Variants in CELSR1 observed in about 807,000 individuals in gnomAD.
The protein encoded by CELSR1 is adhesion G protein-coupled receptor C1.
CELSR1 carries 110 observed loss-of-function variants against 249.1 expected under a neutral mutation model. The observed-to-expected ratio is 0.44, with a 90% CI of 0.38 to 0.52. The LOEUF (loss-of-function observed/expected upper bound fraction) is 0.52. Ranked by LOEUF, CELSR1 falls within the 20% of genes least tolerant of loss-of-function variation. The pLI, the probability that CELSR1 is intolerant of heterozygous loss-of-function variation, is 0.00. For synonymous variants in CELSR1, 2,113 were observed against 1,900.0 expected, an observed-to-expected ratio of 1.11 and a Z score of -2.92; for missense variants, 4,109 against 4,296.4, an observed-to-expected ratio of 0.96 and a Z score of 1.22.
chr22:46,485,469 G>A (rs1223610512), intron 1 of CELSR1, among the ~76,000 whole-genome samples: 2 of 152,222 alleles, frequency 1.3e-5, no homozygotes, highest in African/African-American at 2.4e-5. Context: ...GTTTGGACGG[G>A]AGGAGGCCCA....
chr22:46,519,302 C>T (rs1353570890), intron 1 of CELSR1, among the ~76,000 whole-genome samples: 1 of 152,216 alleles, frequency 6.6e-6, no homozygotes, highest in Admixed American at 6.5e-5. Flanking sequence ...ATTCCACCTC[C>T]GTAGAAACAA....
At position 46,369,963 on chromosome 22, in the gene CELSR1, GCA is replaced by G. The variant is rs774715976; in HGVS notation, c.7760-161_7760-160del. 2.3e-5 allele frequency: 16 copies of G among 689,986 alleles called. No individual in the cohort carries two copies. The South Asian group carries it at 2.4e-4, about 10-fold the overall frequency. The allele number at this position is 689,986 out of a possible 1,614,324, so 42.7% of individuals were successfully genotyped here. A position where few individuals can be genotyped will look rare whatever the true frequency, so the allele number is the denominator to read the frequency against. ...GGGAGCCAGCCCAGGGCCCCTCCAA[GCA>G]CAGTCTCTCCGTGTAGGGTCTCAGG... On this transcript the variant is annotated intron_variant, in intron 25 of 34. Coordinates refer to ENST00000674500, the MANE Select transcript of CELSR1 (RefSeq NM_001378328.1).
At chr22:46,419,357 C>T (rs2079439101) in intron 5 of CELSR1, among the ~76,000 whole-genome samples, 2 of 152,198 alleles carry the variant, frequency 1.3e-5, no homozygotes, top group Non-Finnish European at 2.9e-5. Flanking sequence ...CTTGGTACAA[C>T]CTGAGGGACC....
Position 46,518,188 on chromosome 22 carries a change from G to C in CELSR1, c.3544+15439C>G, listed in dbSNP as rs550931680. Among the ~76,000 whole-genome samples, 2 of 152,292 alleles carry C rather than the reference G, an allele frequency of 1.3e-5. No homozygotes were observed. The highest frequency in any genetic ancestry group is 4.8e-5 in the African/African-American group (2 of 41,546). ...ACCTCCCAAAGTGCTGTGATTGCAG[G>C]CGTGAGCCACCACGCCTGGCCTCGG... is the stretch of plus-strand genomic sequence containing the variant. On this transcript the variant is annotated intron_variant, in intron 1 of 34. Coordinates refer to ENST00000674500, the MANE Select transcript of CELSR1 (RefSeq NM_001378328.1). The surrounding 1 kb of genome is among the most constrained non-coding windows in gnomAD (Gnocchi z 5.2).
intron 18 of CELSR1, among the ~76,000 whole-genome samples, chr22:46,388,728 C>T (rs2079057151): frequency 6.6e-6 from 1 of 152,154 alleles, no homozygotes; most frequent in Admixed American, 6.5e-5. Flanking sequence ...GCGTGAGTCC[C>T]CTCTGCATTC....
At chr22:46,435,261 CAAAA>C (rs1214889556) in intron 4 of CELSR1, among the ~76,000 whole-genome samples, 1 of 82,520 alleles carries the variant, frequency 1.2e-5, no homozygotes, top group African/African-American at 4.4e-5. Flanking sequence ...CAGCCTTGTC[CAAAA>C]AAAAAAAAAA....
chr22:46,382,667 G>A (rs2078991449), intron 20 of CELSR1, among the ~76,000 whole-genome samples: 1 of 152,206 alleles, frequency 6.6e-6, no homozygotes, highest in Non-Finnish European at 1.5e-5. Context: ...CAACAGGTGA[G>A]TGGATAAGCA....
In CELSR1 at chr22:46,369,267, A is replaced by G. The variant is rs1299726983; in HGVS notation, c.7873-9T>C. On this transcript the variant is annotated splice_polypyrimidine_tract_variant and intron_variant, in intron 26 of 34. Coordinates refer to ENST00000674500, the MANE Select transcript of CELSR1 (RefSeq NM_001378328.1). ...GAAGTGACTGTGTTGATCTGAAAACAAAACAAGCCGATCAATGTCTTCTCT... is the reference window on the plus strand; with the variant it reads ...GAAGTGACTGTGTTGATCTGAAAACGAAACAAGCCGATCAATGTCTTCTCT... The G allele has an allele frequency of 2.5e-6, 3 of 1,190,214 alleles. No homozygotes were observed. In the Admixed American group the frequency reaches 8.0e-5, roughly 32 times the overall value. The allele number at this position is 1,190,214 out of a possible 1,614,324, so 73.7% of individuals were successfully genotyped here.
chr22:46,432,314 G>A (rs532854675), intron 5 of CELSR1, among the ~76,000 whole-genome samples: 27 of 152,330 alleles, frequency 1.8e-4, no homozygotes, highest in African/African-American at 6.3e-4. Flanking sequence ...CTGGTGAGTC[G>A]CAGCCAGGCA....
chr22:46,378,238 C>T (rs1044310767), intron 23 of CELSR1, among the ~76,000 whole-genome samples: 2 of 152,236 alleles, frequency 1.3e-5, no homozygotes, highest in African/African-American at 4.8e-5. Flanking sequence ...CACCGTCCAA[C>T]AGACCCGCAC....
chr22:46,429,032 GA>G lies in CELSR1; in HGVS notation c.4611+4360del, dbSNP rs1234444710. 6.6e-6 allele frequency among the ~76,000 whole-genome samples: 1 copy of G among 152,120 alleles called. No individual in the cohort carries two copies. Among genetic ancestry groups the G allele is most frequent in the Non-Finnish European group, 1.5e-5 (1 of 68,010 alleles). On this transcript the variant is annotated intron_variant, in intron 5 of 34. Transcript: ENST00000674500. The surrounding 1 kb of genome is among the most constrained non-coding windows in gnomAD (Gnocchi z 4.1). ...TCCCCGACCCTGCCAGGAGCTCCTG[GA>G]ACAAGGTGGGGTCTAAACGTGATCC...
At chr22:46,378,367 A>G (rs1173836397) in intron 23 of CELSR1, among the ~76,000 whole-genome samples, 2 of 152,224 alleles carry the variant, frequency 1.3e-5, no homozygotes, top group Non-Finnish European at 2.9e-5. Context: ...TTGTTATGGA[A>G]ATCCTCAGAC....
chr22:46,434,022 A>T lies in CELSR1; in HGVS notation c.4523-541T>A, dbSNP rs1455614660. Among the ~76,000 whole-genome samples, 1 of 152,204 alleles carries T rather than the reference A, an allele frequency of 6.6e-6. No homozygotes were observed. The highest frequency in any genetic ancestry group is 2.4e-5 in the African/African-American group (1 of 41,444). On this transcript the variant is annotated intron_variant, in intron 4 of 34. Transcript: ENST00000674500. The surrounding 1 kb of genome is among the most constrained non-coding windows in gnomAD (Gnocchi z 4.9). ...AATATGAAAAAATATAAACACGGAA[A>T]ACCCATCTGTCTGTACCAGCAGCAG... is the stretch of plus-strand genomic sequence containing the variant.
At position 46,464,309 on chromosome 22, in the gene CELSR1, C is replaced by T. The variant is rs749959020; in HGVS notation, c.3581G>A (p.Arg1194His). 1.9e-5 allele frequency: 31 copies of T among 1,613,118 alleles called. No homozygotes were observed. The East Asian group carries it at 2.7e-4, about 14-fold the overall frequency. ...CATGTCGTCCGTGATGATGGTGACA[C>T]GCAGGGTGCAGAAGGCCGTGACGCT... Reference protein sequence around the residue: ...IHSVTAFCTLRVTIITDDMLT... With the variant: ...IHSVTAFCTLHVTIITDDMLT... The change falls in exon 2 of 35, where the codon CGT becomes CAT. Residue 1194 changes from arginine (R) to histidine (H), a missense_variant. Arg to His is a conservative substitution (Grantham distance 29, BLOSUM62 0). This residue lies in a region of CELSR1 where 886 missense variants were observed against 896.5 expected (regional missense o/e 0.99). Coordinates refer to ENST00000674500, the MANE Select transcript of CELSR1 (RefSeq NM_001378328.1). This position sits in a 1 kb window ranked among gnomAD's most constrained non-coding sequence, Gnocchi z 8.5.
Position 46,406,799 on chromosome 22 carries a change from A to G in CELSR1, c.5226+2197T>C, listed in dbSNP as rs1307463806. Among the ~76,000 whole-genome samples, 2 of 152,174 alleles carry G rather than the reference A, an allele frequency of 1.3e-5. No individual in the cohort carries two copies. Among genetic ancestry groups the G allele is most frequent in the Non-Finnish European group, 2.9e-5 (2 of 68,026 alleles). On this transcript the variant is annotated intron_variant, in intron 9 of 34. Transcript: ENST00000674500. This position sits in a 1 kb window ranked among gnomAD's most constrained non-coding sequence, Gnocchi z 5.4. ...CGAGAGCTTGGAGCAGGCACTCCGT[A>G]AAATCCATCTCACCTCTCACCATCT...
rs2079557769 is a variant in CELSR1, at chr22:46,428,265, G to A, written c.4611+5128C>T. On this transcript the variant is annotated intron_variant, in intron 5 of 34. Coordinates refer to ENST00000674500, the MANE Select transcript of CELSR1 (RefSeq NM_001378328.1). This position sits in a 1 kb window ranked among gnomAD's most constrained non-coding sequence, Gnocchi z 5.7. The stretch of plus-strand genomic sequence containing the variant: ...AACCAGAGGAAGCCAAATTGCCGAG[G>A]CAGAGTCCCAAGGACTCCAGCAGCC... 6.6e-6 allele frequency among the ~76,000 whole-genome samples: 1 copy of A among 152,216 alleles called. No homozygotes were observed. Among genetic ancestry groups the A allele is most frequent in the South Asian group, 2.1e-4 (1 of 4,832 alleles).
intron 1 of CELSR1, among the ~76,000 whole-genome samples, chr22:46,514,886 C>T (rs1359222733): frequency 2.6e-5 from 4 of 152,176 alleles, no homozygotes; most frequent in Non-Finnish European, 4.4e-5. Context: ...TCAATCCAGC[C>T]CTCAGGCCTG....
At chr22:46,388,738 C>T (rs2079057171) in intron 18 of CELSR1, among the ~76,000 whole-genome samples, 1 of 152,012 alleles carries the variant, frequency 6.6e-6, no homozygotes, top group Admixed American at 6.5e-5. Flanking sequence ...CCTCTGCATT[C>T]ACCCTAAAAC....
At position 46,386,732 on chromosome 22, in the gene CELSR1, GTTGTTTT is replaced by G. The variant is rs530450835; in HGVS notation, c.6556-154_6556-148del. 3.6e-4 allele frequency: 226 copies of G among 621,722 alleles called. 1 individual carries two copies. The highest frequency in any genetic ancestry group is 1.9e-3 in the South Asian group (65 of 34,312). 38.5% of individuals were successfully genotyped at this position (621,722 alleles called of 1,614,324 possible). On this transcript the variant is annotated intron_variant, in intron 18 of 34. Coordinates refer to ENST00000674500, the MANE Select transcript of CELSR1 (RefSeq NM_001378328.1). ...CTTTAGACTGTGCTCTTTAATATTAGTTGTTTTTTGTTTTTTGTTGTTTTTTGTGTTT... is the reference window on the plus strand; with the variant it reads ...CTTTAGACTGTGCTCTTTAATATTAGTTGTTTTTTGTTGTTTTTTGTGTTT...
Sources: allele counts gnomAD v4.1 joint callset (sites outside exome capture counted in the v4.1 genomes callset), GRCh38; gene constraint gnomAD v4.1.1; regional missense constraint gnomAD v4.1.1; non-coding constraint Gnocchi (gnomAD v3.1); transcripts MANE v1.5; gene names NCBI Gene and HGNC (gene_info 2026-07-23, HGNC 2026-07-21).